The following ADAM12 variants were observed in gnomAD, a reference collection of about 807,000 sequenced individuals.
The protein encoded by ADAM12 is disintegrin and metalloproteinase domain-containing protein 12.
In ADAM12, 70 loss-of-function variants were observed where a neutral mutation model predicts 106.4. The observed-to-expected ratio is 0.66, with a 90% CI of 0.54 to 0.80. The LOEUF (loss-of-function observed/expected upper bound fraction) is 0.80. ADAM12 is among the 30% of genes least tolerant of loss of function. The pLI is 0.00. For missense variants in ADAM12, 1,010 were observed against 1,171.9 expected (o/e 0.86, Z 2.02); for synonymous variants, 420 against 433.5 (o/e 0.97, Z 0.39).
rs576638176 is a variant in ADAM12, at chr10:126,014,737, G to A, written c.*2542C>T. ...ATAATAAGCTGTAGGAAGAAAAGTA[G>A]CCTCTGGGCTACTTTGTGTCTAGTC... On this transcript the variant is annotated 3_prime_UTR_variant, in exon 23 of 23. Transcript: ENST00000448723. 15 of 152,070 alleles carry A rather than the reference G, an allele frequency of 9.9e-5. No individual in the cohort carries two copies. Among genetic ancestry groups the A allele is most frequent in the Non-Finnish European group, 2.2e-4 (15 of 68,010 alleles). The allele number at this position is 152,070 out of a possible 1,614,324, so 9.4% of individuals were successfully genotyped here. A position where few individuals can be genotyped will look rare whatever the true frequency, so the allele number is the denominator to read the frequency against.
At chr10:126,080,066 C>T (rs997451007) in intron 11 of ADAM12, among the ~76,000 whole-genome samples, 7 of 152,288 alleles carry the variant, frequency 4.6e-5, no homozygotes, top group African/African-American at 1.7e-4. Context: ...TCATACTGCA[C>T]AGTAATTAAA....
intron 3 of ADAM12, among the ~76,000 whole-genome samples, chr10:126,204,682 A>T (rs889898249): frequency 6.6e-6 from 1 of 152,230 alleles, no homozygotes; most frequent in Non-Finnish European, 1.5e-5. Flanking sequence ...ATAGCAGAGC[A>T]TTAAACCAAC....
At chr10:126,267,617 C>T (rs1396296848) in intron 3 of ADAM12, among the ~76,000 whole-genome samples, 5 of 152,042 alleles carry the variant, frequency 3.3e-5, no homozygotes, top group African/African-American at 7.2e-5. Flanking sequence ...TGACAGGGGG[C>T]GGAGCTCAGG....
intron 1 of ADAM12, among the ~76,000 whole-genome samples, chr10:126,361,856 A>G (rs1480709858): frequency 2.0e-5 from 3 of 152,228 alleles, no homozygotes; most frequent in African/African-American, 7.2e-5. Flanking sequence ...AAGAAAATCT[A>G]CATGATGTTG....
chr10:126,089,998 C>T (rs567243889), intron 11 of ADAM12, among the ~76,000 whole-genome samples: 4 of 152,064 alleles, frequency 2.6e-5, no homozygotes, highest in Admixed American at 2.6e-4. Context: ...CTATGTTGCC[C>T]ATGCTGGTCT....
At chr10:126,136,232 G>A (rs1359027321) in intron 4 of ADAM12, among the ~76,000 whole-genome samples, 1 of 152,150 alleles carries the variant, frequency 6.6e-6, no homozygotes, top group Non-Finnish European at 1.5e-5. Context: ...GTTCCCGTGT[G>A]TCATGCCTGC....
chr10:126,341,475 T>G (rs1193232665), intron 1 of ADAM12, among the ~76,000 whole-genome samples: 3 of 152,234 alleles, frequency 2.0e-5, no homozygotes, highest in African/African-American at 7.2e-5. Flanking sequence ...CACCCTGCAA[T>G]GTCTGATCCC....
chr10:126,122,239 A>T (rs1183660362), intron 5 of ADAM12, among the ~76,000 whole-genome samples: 1 of 152,220 alleles, frequency 6.6e-6, no homozygotes, highest in Non-Finnish European at 1.5e-5. Context: ...GTCCAGATTG[A>T]CTAAAAGTCA....
chr10:126,232,057 T>C lies in ADAM12; in HGVS notation c.260+46858A>G, dbSNP rs150683798. 2.1e-3 allele frequency among the ~76,000 whole-genome samples: 318 copies of C among 152,288 alleles called. 2 individuals carry two copies. Among genetic ancestry groups the C allele is most frequent in the African/African-American group, 7.5e-3 (310 of 41,564 alleles). ...TCCCTCACCCCATTGTTTCCTGTAA[T>C]GGGCTGAATACTGGCCTCCCCAAAG... On this transcript the variant is annotated intron_variant, in intron 3 of 22. Coordinates refer to ENST00000448723, the MANE Select transcript of ADAM12 (RefSeq NM_001288973.2).
At chr10:126,274,983 T>A (rs1364050639) in intron 3 of ADAM12, among the ~76,000 whole-genome samples, 1 of 152,218 alleles carries the variant, frequency 6.6e-6, no homozygotes, top group Admixed American at 6.5e-5. Flanking sequence ...CTGTAAGAGA[T>A]GTCTGGAATC....
At chr10:126,067,532 G>C (rs1954896350) in intron 12 of ADAM12, among the ~76,000 whole-genome samples, 2 of 152,214 alleles carry the variant, frequency 1.3e-5, no homozygotes, top group Non-Finnish European at 2.9e-5. Context: ...CCTTTATAAT[G>C]CTGTGCTCCA....
intron 3 of ADAM12, among the ~76,000 whole-genome samples, chr10:126,261,568 T>C (rs951457808): frequency 2.0e-5 from 3 of 152,186 alleles, no homozygotes; most frequent in Non-Finnish European, 4.4e-5. Context: ...GTGGTGGATT[T>C]AGGCCTTGTG....
At chr10:126,061,573 T>C (rs1311306044) in intron 14 of ADAM12, among the ~76,000 whole-genome samples, 1 of 152,172 alleles carries the variant, frequency 6.6e-6, no homozygotes, top group Non-Finnish European at 1.5e-5. Context: ...TGGGTGAGCC[T>C]GATGGAATCA....
intron 2 of ADAM12, among the ~76,000 whole-genome samples, chr10:126,303,497 C>T (rs567664330): frequency 7.2e-5 from 11 of 152,208 alleles, no homozygotes; most frequent in Admixed American, 2.0e-4. Context: ...AATTACTTTC[C>T]GAGAGGAGAA....
At chr10:126,112,130 G>T (rs1955880667) in intron 6 of ADAM12, among the ~76,000 whole-genome samples, 1 of 152,006 alleles carries the variant, frequency 6.6e-6, no homozygotes. Flanking sequence ...ATCATACTCA[G>T]CAAACTAATA....
chr10:126,353,689 T>TTCCAA (rs1855440878), intron 1 of ADAM12, among the ~76,000 whole-genome samples: 2 of 152,214 alleles, frequency 1.3e-5, no homozygotes, highest in Non-Finnish European at 2.9e-5. Context: ...CTAACCACTA[T>TTCCAA]TTGTGAATAG....
intron 2 of ADAM12, among the ~76,000 whole-genome samples, chr10:126,319,620 G>A (rs1026949551): frequency 6.6e-6 from 1 of 152,114 alleles, no homozygotes; most frequent in Non-Finnish European, 1.5e-5. Context: ...CACTGAACAC[G>A]ATATAATGTG....
chr10:126,135,627 AT>A lies in ADAM12; in HGVS notation c.372del (p.Tyr125IlefsTer27). ...GHCYYHGHVR[G>X]YSDSAVSLST... is the part of the protein sequence containing the mutation. Reference sequence around the variant, plus strand: ...CTGAGACTGACTGCTGAATCAGAATATCCCCGTACATGTCCATGGTAGTAAC... The same window carrying A: ...CTGAGACTGACTGCTGAATCAGAATACCCCGTACATGTCCATGGTAGTAAC... On this transcript the variant is annotated frameshift_variant, in exon 5 of 23. Transcript: ENST00000448723. LOFTEE classifies it high-confidence loss of function. 1 of 1,614,222 alleles carries A rather than the reference AT, an allele frequency of 6.2e-7. No homozygotes were observed. The highest frequency in any genetic ancestry group is 1.1e-5 in the South Asian group (1 of 91,086).
chr10:126,098,471 CCGA>C lies in ADAM12; in HGVS notation c.938_940del (p.Ile313_Gly314delinsSer). 1 of 1,614,006 alleles carries C rather than the reference CCGA, an allele frequency of 6.2e-7. No homozygotes were observed. On this transcript the variant is annotated inframe_deletion, in exon 10 of 23. Coordinates refer to ENST00000448723, the MANE Select transcript of ADAM12 (RefSeq NM_001288973.2). ...GCACATGCTCATGATTGGGGCCATG[CCGA>C]TGGTGGTCCCTTGGAAATAAACCCC...
Sources: allele counts gnomAD v4.1 joint callset (sites outside exome capture counted in the v4.1 genomes callset), GRCh38; gene constraint gnomAD v4.1.1; transcripts MANE v1.5; gene names NCBI Gene and HGNC (gene_info 2026-07-23, HGNC 2026-07-21).